Variants in AFG2B observed in about 807,000 individuals in gnomAD.
The protein encoded by AFG2B is ATPase family gene 2 protein homolog B.
the AFG2B span, among the ~76,000 whole-genome samples, chr15:45,404,807 C>CAAA: frequency 3.2e-5 from 3 of 93,932 alleles, no homozygotes; most frequent in Non-Finnish European, 5.1e-5. Context: ...AACTGTGTCT[C>CAAA]AAAAAAAAAA....
chr15:45,410,633 C>CTAATG, the AFG2B span: 5 of 1,062,952 alleles, frequency 4.7e-6, no homozygotes, highest in Non-Finnish European at 6.6e-6. Flanking sequence ...GCTCCTATCA[C>CTAATG]TAATGTGATC....
At chr15:45,403,693 A>T in the AFG2B span, among the ~76,000 whole-genome samples, 1 of 152,092 alleles carries the variant, frequency 6.6e-6, no homozygotes, top group Non-Finnish European at 1.5e-5. Flanking sequence ...GTGAGTCAGG[A>T]CCTGTATTTC....
chr15:45,410,303 A>G, the AFG2B span: 2 of 1,539,410 alleles, frequency 1.3e-6, no homozygotes, highest in South Asian at 1.2e-5. Flanking sequence ...TTTAAAAACA[A>G]ATTGTGCTAT....
At chr15:45,407,365 T>C in the AFG2B span, 1 of 479,994 alleles carries the variant, frequency 2.1e-6, no homozygotes, top group Non-Finnish European at 3.0e-6. Flanking sequence ...GAACTGTAGT[T>C]TAACACTCAG....
chr15:45,412,090 C>A, the AFG2B span, among the ~76,000 whole-genome samples: 1 of 149,408 alleles, frequency 6.7e-6, no homozygotes, highest in Admixed American at 6.7e-5. Flanking sequence ...AAAAGTGAAA[C>A]TCCATCTCAA....
At chr15:45,416,259 CTGAATGAA>C in the AFG2B span, among the ~76,000 whole-genome samples, 1 of 152,106 alleles carries the variant, frequency 6.6e-6, no homozygotes, top group African/African-American at 2.4e-5. Context: ...GGCCCCATAT[CTGAATGAA>C]TGAATGAATG....
chr15:45,404,415 T>A, the AFG2B span, among the ~76,000 whole-genome samples: 1 of 152,222 alleles, frequency 6.6e-6, no homozygotes, highest in African/African-American at 2.4e-5. Context: ...ATATTAGGAT[T>A]TTCGTATATT....
At chr15:45,402,922 A>G in the AFG2B span, 9 of 1,597,800 alleles carry the variant, frequency 5.6e-6, no homozygotes, top group Non-Finnish European at 7.6e-6. Context: ...TGCCTTGCAC[A>G]TCGTCGGCGG....
the AFG2B span, chr15:45,403,553 G>A: frequency 6.3e-7 from 1 of 1,586,962 alleles, no homozygotes; most frequent in South Asian, 1.1e-5. Flanking sequence ...CACTGTCGGT[G>A]GAACCTCGGC....
the AFG2B span, among the ~76,000 whole-genome samples, chr15:45,420,611 G>T: frequency 6.6e-6 from 1 of 152,014 alleles, no homozygotes; most frequent in Non-Finnish European, 1.5e-5. Flanking sequence ...TTAGCATAAT[G>T]TTTTTAGTGA....
At chr15:45,408,413 GTATT>G in the AFG2B span, among the ~76,000 whole-genome samples, 1 of 152,112 alleles carries the variant, frequency 6.6e-6, no homozygotes, top group South Asian at 2.1e-4. Flanking sequence ...TATGCACATA[GTATT>G]TATTTATTTT....
chr15:45,408,855 C>G, the AFG2B span, among the ~76,000 whole-genome samples: 1 of 152,130 alleles, frequency 6.6e-6, no homozygotes, highest in Non-Finnish European at 1.5e-5. Context: ...CCACTGCACT[C>G]CAGCCTGGGC....
the AFG2B span, among the ~76,000 whole-genome samples, chr15:45,404,737 G>T: frequency 6.6e-6 from 1 of 150,698 alleles, no homozygotes; most frequent in Non-Finnish European, 1.5e-5. Flanking sequence ...GAACCAGGAG[G>T]TGGAGGTTGC....
At chr15:45,410,245 T>C in the AFG2B span, 1 of 1,018,920 alleles carries the variant, frequency 9.8e-7, no homozygotes, top group Non-Finnish European at 1.4e-6. Flanking sequence ...TGTATATAAA[T>C]TGTTTTTATA....
At chr15:45,403,577 A>G in the AFG2B span, 246 of 1,574,974 alleles carry the variant, frequency 1.6e-4, no homozygotes, top group Non-Finnish European at 1.9e-4. Flanking sequence ...TTCTGGCGCC[A>G]TTTGGCTGCC....
At chr15:45,405,247 A>C in the AFG2B span, 2,239 of 1,398,742 alleles carry the variant, frequency 1.6e-3, 53 homozygotes, top group Non-Finnish European at 1.8e-4. Flanking sequence ...TCCATCCATG[A>C]GATCAACTTT....
the AFG2B span, among the ~76,000 whole-genome samples, chr15:45,412,125 G>A: frequency 9.4e-3 from 1,432 of 151,666 alleles, 18 homozygotes; most frequent in African/African-American, 0.033. Flanking sequence ...TTTATAGGCC[G>A]GGCGTGGTGG....
the AFG2B span, chr15:45,403,414 C>A: frequency 6.2e-7 from 1 of 1,609,726 alleles, no homozygotes; most frequent in Non-Finnish European, 8.5e-7. Flanking sequence ...GTTGACGCTG[C>A]TGGACGGCGC....
the AFG2B span, chr15:45,414,695 C>G: frequency 5.0e-6 from 8 of 1,614,190 alleles, no homozygotes; most frequent in Non-Finnish European, 5.1e-6. Context: ...GCCCTGGCCA[C>G]AAGCTGTCAC....
Sources: gnomAD v4.1 joint callset for allele counts (sites outside exome capture counted in the v4.1 genomes callset) on GRCh38, gnomAD v4.1.1 for gene constraint, MANE v1.5 for transcripts, NCBI Gene and HGNC (gene_info 2026-07-23, HGNC 2026-07-21) for gene names.